Variants in F13B observed in about 807,000 individuals in gnomAD.
The protein encoded by F13B is TGase.
Under a neutral mutation model 79.8 loss-of-function variants are expected in F13B, and 58 were observed. The ratio of observed to expected loss-of-function variants is 0.73; its 90% confidence interval spans 0.59 to 0.90. The LOEUF is 0.90. F13B is among the 40% of genes least tolerant of loss of function. The pLI is 0.00. For missense variants in F13B, 773 were observed against 777.0 expected (o/e 0.99, Z 0.06); for synonymous variants, 283 against 260.3 (o/e 1.09, Z -0.84).
rs189189914 is a variant in F13B, at chr1:197,044,826, A to G, written c.1739-4091T>C. Among the ~76,000 whole-genome samples the G allele has an allele frequency of 7.5e-4, 114 of 152,316 alleles. 1 individual carries two copies. In the East Asian group the frequency reaches 0.02, roughly 27 times the overall value. Reference sequence around the variant, plus strand: ...AAACTGTCTCTCAGACCACAGTGCAATCAAATTAGAACTCAGGATTAAGAA... The same window carrying G: ...AAACTGTCTCTCAGACCACAGTGCAGTCAAATTAGAACTCAGGATTAAGAA... On this transcript the variant is annotated intron_variant, in intron 10 of 11. Transcript: ENST00000367412.
chr1:197,040,804 C>T, intron 10 of F13B, 69 bp from the exon 11 acceptor site: 2 of 1,340,794 alleles, frequency 1.5e-6, no homozygotes, highest in Non-Finnish European at 2.1e-6. Context: ...TTGGTAAGAA[C>T]AGGAATCGTT....
In F13B at chr1:197,038,851, A is replaced by G. The variant is rs1279604327; in HGVS notation, c.*527T>C. 6.6e-6 allele frequency among the ~76,000 whole-genome samples: 1 copy of G among 152,040 alleles called. No homozygotes were observed. The highest frequency in any genetic ancestry group is 2.4e-5 in the African/African-American group (1 of 41,438). On this transcript the variant is annotated 3_prime_UTR_variant, in exon 12 of 12. Transcript: ENST00000367412. ...CAATTTGGTTATTAACGTTGTAGCAAATATTACAGTTAATTTTAAAAGTTT... is the reference window on the plus strand; with the variant it reads ...CAATTTGGTTATTAACGTTGTAGCAGATATTACAGTTAATTTTAAAAGTTT...
intron 1 of F13B, among the ~76,000 whole-genome samples, chr1:197,064,234 T>G (rs1436123929): frequency 1.3e-5 from 2 of 152,078 alleles, no homozygotes; most frequent in Non-Finnish European, 1.5e-5. Flanking sequence ...CCAAACTCTA[T>G]GAGAGAACAC....
Position 197,057,473 on chromosome 1 carries a change from A to G in F13B, c.806-8T>C. ...GACATCTGTTTCTTCTTCCTTATGG[A>G]AAAAATTAATCAGCACCTTTAGTCA... On this transcript the variant is annotated splice_polypyrimidine_tract_variant and splice_region_variant and intron_variant, in intron 5 of 11. Transcript: ENST00000367412. The G allele has an allele frequency of 1.2e-6, 2 of 1,613,466 alleles. No homozygotes were observed. Among genetic ancestry groups the G allele is most frequent in the Non-Finnish European group, 1.7e-6 (2 of 1,179,644 alleles).
chr1:197,064,598 G>T (rs1283687203), intron 1 of F13B, among the ~76,000 whole-genome samples: 1 of 152,082 alleles, frequency 6.6e-6, no homozygotes, highest in East Asian at 1.9e-4. Context: ...TACCTTTGGG[G>T]TTTAGTGCCT....
intron 1 of F13B, among the ~76,000 whole-genome samples, chr1:197,065,623 C>T (rs1656020626): frequency 6.6e-6 from 1 of 152,122 alleles, no homozygotes; most frequent in Non-Finnish European, 1.5e-5. Flanking sequence ...AAAGTAATCT[C>T]TCATTACAGA....
At chr1:197,049,966 G>A (rs186468241) in intron 10 of F13B, among the ~76,000 whole-genome samples, 1 of 152,134 alleles carries the variant, frequency 6.6e-6, no homozygotes, top group African/African-American at 2.4e-5. Context: ...ATTAAACACA[G>A]ATTGAAGATT....
intron 10 of F13B, among the ~76,000 whole-genome samples, chr1:197,041,713 G>C (rs1015122710): frequency 2.0e-5 from 3 of 152,090 alleles, no homozygotes; most frequent in Non-Finnish European, 2.9e-5. Flanking sequence ...ACATGTTTCT[G>C]TTCATGTCTT....
chr1:197,041,276 A>G (rs915291528), intron 10 of F13B, among the ~76,000 whole-genome samples: 1 of 152,212 alleles, frequency 6.6e-6, no homozygotes, highest in African/African-American at 2.4e-5. Context: ...GTTAAGAAAT[A>G]TCAAGACTGG....
At chr1:197,062,770 C>G in intron 2 of F13B, 87 bp downstream of exon 2, 1 of 1,320,104 alleles carries the variant, frequency 7.6e-7, no homozygotes, top group Non-Finnish European at 1.1e-6. Context: ...AAAGGTTTAA[C>G]CGCTTTCCAT....
At chr1:197,045,607 C>A (rs982919923) in intron 10 of F13B, among the ~76,000 whole-genome samples, 4 of 152,198 alleles carry the variant, frequency 2.6e-5, no homozygotes, top group African/African-American at 7.2e-5. Context: ...ACCATTCCTT[C>A]TGAAACTATT....
At chr1:197,066,003 T>TG (rs1014839270) in intron 1 of F13B, among the ~76,000 whole-genome samples, 137 of 152,132 alleles carry the variant, frequency 9.0e-4, no homozygotes, top group Admixed American at 1.5e-3. Context: ...TACTTTTTTT[T>TG]TTGTTGTGTA....
At chr1:197,061,590 G>T (rs995873568) in intron 3 of F13B, among the ~76,000 whole-genome samples, 194 bp downstream of exon 3, 1 of 151,962 alleles carries the variant, frequency 6.6e-6, no homozygotes, top group Non-Finnish European at 1.5e-5. Flanking sequence ...GCGTAGGTGG[G>T]TTGTAGGGAT....
In F13B at chr1:197,057,190, C is replaced by T. The variant is rs370790381; in HGVS notation, c.994G>A (p.Glu332Lys). Residue 332 changes from glutamate (E) to lysine (K), a missense_variant, in exon 7 of 12, where the codon GAG becomes AAG. Coordinates refer to ENST00000367412, the MANE Select transcript of F13B (RefSeq NM_001994.3). ...GGTGGTTCCTCACAGGCTACCTTCT[C>T]CTGTCCTTCTGAAAAGGTACAGTTG... ...TEPPKCIEGQ[E>K]KVACEEPPFI... is the part of the protein sequence containing the mutation. 7.4e-6 allele frequency: 12 copies of T among 1,613,748 alleles called. No individual in the cohort carries two copies. In the African/African-American group the frequency reaches 1.2e-4, roughly 16 times the overall value.
Position 197,057,182 on chromosome 1 carries a change from T to C in F13B, c.1002A>G (p.Val334=). ...CAATGAAGGGTGGTTCCTCACAGGC[T>C]ACCTTCTCCTGTCCTTCTGAAAAGG... ...PPKCIEGQEK[V]ACEEPPFIEN... is the part of the protein sequence containing the mutation. Residue 334 remains valine (V), a synonymous_variant, in exon 7 of 12, where the codon GTA becomes GTG. Transcript: ENST00000367412. 2 of 1,613,932 alleles carry C rather than the reference T, an allele frequency of 1.2e-6. No homozygotes were observed. Among genetic ancestry groups the C allele is most frequent in the Non-Finnish European group, 1.7e-6 (2 of 1,179,910 alleles).
intron 11 of F13B, 35 bp from the exon 12 acceptor site, chr1:197,039,446 A>T (rs568864070): frequency 1.3e-6 from 2 of 1,578,064 alleles, no homozygotes; most frequent in Admixed American, 3.3e-5. Flanking sequence ...TGAAATAAGC[A>T]TCAATTGCAG....
chr1:197,063,502 G>A (rs1655942232), intron 1 of F13B, among the ~76,000 whole-genome samples: 2 of 151,870 alleles, frequency 1.3e-5, no homozygotes, highest in South Asian at 4.2e-4. Context: ...ATTTTTTGTA[G>A]AGATGAGGGG....
At chr1:197,064,941 A>AAT (rs1489648284) in intron 1 of F13B, among the ~76,000 whole-genome samples, 1 of 152,126 alleles carries the variant, frequency 6.6e-6, no homozygotes, top group Admixed American at 6.6e-5. Context: ...TGCTACTATG[A>AAT]GACATAAAAT....
At chr1:197,058,661 A>T (rs952310094) in intron 5 of F13B, among the ~76,000 whole-genome samples, 1 of 152,146 alleles carries the variant, frequency 6.6e-6, no homozygotes, top group Non-Finnish European at 1.5e-5. Context: ...TTATATTTAG[A>T]GTCTGGATAG....
Sources: gnomAD v4.1 joint callset for allele counts (sites outside exome capture counted in the v4.1 genomes callset) on GRCh38, gnomAD v4.1.1 for gene constraint, MANE v1.5 for transcripts, NCBI Gene and HGNC (gene_info 2026-07-23, HGNC 2026-07-21) for gene names.